SLIT3: variants seen among roughly 807,000 people sequenced by gnomAD.
SLIT3 encodes the protein slit homolog 3 protein.
A neutral mutation model predicts 184.0 loss-of-function variants in SLIT3; 68 were observed. The ratio of observed to expected loss-of-function variants is 0.37; its 90% confidence interval spans 0.30 to 0.45. SLIT3 has a LOEUF of 0.45. SLIT3 is among the 20% of genes least tolerant of loss of function. The pLI, the probability that SLIT3 is intolerant of heterozygous loss-of-function variation, is 1.00. For missense variants in SLIT3, 1,707 were observed against 2,026.0 expected (o/e 0.84, Z 3.02); for synonymous variants, 831 against 828.6 (o/e 1.00, Z -0.05).
intron 6 of SLIT3, among the ~76,000 whole-genome samples, chr5:168,825,716 C>T (rs1408875609): frequency 1.3e-5 from 2 of 152,182 alleles, no homozygotes; most frequent in East Asian, 3.9e-4. Context: ...CTCTGTCCAT[C>T]CAGAAAGCTT....
Position 169,176,880 on chromosome 5 carries a change from C to T in SLIT3, c.413+16599G>A, listed in dbSNP as rs561749320. The stretch of plus-strand genomic sequence containing the variant: ...GAAGAAAACTAGAGGGCCAACCTCC[C>T]TCTTTCTGCCAGCACCCTCTTAGAA... On this transcript the variant is annotated intron_variant, in intron 4 of 35. Transcript: ENST00000519560. Among the ~76,000 whole-genome samples the T allele has an allele frequency of 2.6e-4, 40 of 152,334 alleles. 2 individuals are homozygous for T. The South Asian group carries it at 7.9e-3, about 30-fold the overall frequency.
intron 1 of SLIT3, among the ~76,000 whole-genome samples, chr5:169,269,135 T>G (rs1449307133): frequency 6.6e-6 from 1 of 152,210 alleles, no homozygotes; most frequent in Admixed American, 6.5e-5. Context: ...CCAGCTTGTC[T>G]CCTTTATTAG....
intron 20 of SLIT3, among the ~76,000 whole-genome samples, chr5:168,727,674 C>A (rs927338567): frequency 6.6e-6 from 1 of 152,226 alleles, no homozygotes; most frequent in Non-Finnish European, 1.5e-5. Context: ...CCTCTGCCCT[C>A]CCTGCATGAA....
intron 2 of SLIT3, among the ~76,000 whole-genome samples, chr5:169,248,267 C>T (rs916048249): frequency 2.6e-5 from 4 of 152,124 alleles, no homozygotes; most frequent in East Asian, 1.9e-4. Context: ...GTCTTTACTT[C>T]GCTCTCCTCA....
intron 4 of SLIT3, among the ~76,000 whole-genome samples, chr5:168,959,175 T>C (rs1246186869): frequency 6.6e-6 from 1 of 152,236 alleles, no homozygotes; most frequent in African/African-American, 2.4e-5. Context: ...AAATACCACA[T>C]ATCTGAGAAC....
chr5:168,671,550 A>T, intron 33 of SLIT3, 67 bp from the exon 34 acceptor site: 9 of 1,509,790 alleles, frequency 6.0e-6, no homozygotes, highest in Non-Finnish European at 8.1e-6. Context: ...CCTCAGAGCG[A>T]AAAAGCACTT....
chr5:168,766,137 A>G (rs1218697371), intron 14 of SLIT3, among the ~76,000 whole-genome samples: 4 of 152,188 alleles, frequency 2.6e-5, no homozygotes, highest in Admixed American at 2.0e-4. Flanking sequence ...CATCAACGGT[A>G]TGCATTTTGT....
chr5:169,078,135 T>C (rs1172712137), intron 4 of SLIT3, among the ~76,000 whole-genome samples: 1 of 152,178 alleles, frequency 6.6e-6, no homozygotes, highest in Non-Finnish European at 1.5e-5. Flanking sequence ...TACCCACTCC[T>C]GACCTCAACC....
intron 7 of SLIT3, among the ~76,000 whole-genome samples, chr5:168,819,366 A>T (rs1166790312): frequency 1.3e-5 from 2 of 152,256 alleles, no homozygotes; most frequent in Admixed American, 1.3e-4. Flanking sequence ...TGCCCAAGGA[A>T]CACGGCAACA....
chr5:168,807,810 T>C (rs1757023623), intron 8 of SLIT3, among the ~76,000 whole-genome samples: 1 of 152,180 alleles, frequency 6.6e-6, no homozygotes, highest in African/African-American at 2.4e-5. Flanking sequence ...AGAGTGGGTC[T>C]AGCTACAGGG....
At chr5:168,932,382 ACACACACACTACACACACC>A (rs1230344251) in intron 4 of SLIT3, among the ~76,000 whole-genome samples, 13 of 146,008 alleles carry the variant, frequency 8.9e-5, no homozygotes, top group Non-Finnish European at 1.4e-4. Context: ...ACACACACAC[ACACACACACTACACACACC>A]CTACACACAC....
At chr5:168,903,552 T>C (rs988018010) in intron 4 of SLIT3, among the ~76,000 whole-genome samples, 1 of 152,196 alleles carries the variant, frequency 6.6e-6, no homozygotes, top group Non-Finnish European at 1.5e-5. Context: ...CTCTTTGTTC[T>C]ACCTGCTCGG....
At chr5:169,060,117 C>T (rs1758130300) in intron 4 of SLIT3, among the ~76,000 whole-genome samples, 1 of 152,234 alleles carries the variant, frequency 6.6e-6, no homozygotes, top group Admixed American at 6.5e-5. Flanking sequence ...AGGCCACGCG[C>T]AGCGGCTCAT....
intron 4 of SLIT3, among the ~76,000 whole-genome samples, chr5:169,111,721 C>T (rs953210742): frequency 6.6e-6 from 1 of 152,218 alleles, no homozygotes; most frequent in African/African-American, 2.4e-5. Flanking sequence ...CATTGCATTT[C>T]AGCCTGGACA....
intron 6 of SLIT3, among the ~76,000 whole-genome samples, chr5:168,838,642 C>A (rs1758136557): frequency 6.6e-6 from 1 of 152,168 alleles, no homozygotes; most frequent in Admixed American, 6.5e-5. Context: ...AATATCCTAA[C>A]ACCCTGTACC....
intron 4 of SLIT3, among the ~76,000 whole-genome samples, chr5:169,096,894 T>A (rs944955863): frequency 2.6e-4 from 39 of 152,336 alleles, no homozygotes; most frequent in Non-Finnish European, 5.9e-5. Context: ...CAAGCCTGCA[T>A]TTTTAACCAC....
intron 4 of SLIT3, among the ~76,000 whole-genome samples, chr5:169,107,684 C>A (rs745884775): frequency 4.6e-5 from 7 of 152,194 alleles, no homozygotes; most frequent in Non-Finnish European, 7.3e-5. Context: ...TTGTTTGGGT[C>A]TGGCTGCCCG....
At chr5:168,672,010 G>A (rs1373282602) in intron 33 of SLIT3, among the ~76,000 whole-genome samples, 2 of 152,190 alleles carry the variant, frequency 1.3e-5, no homozygotes, top group African/African-American at 2.4e-5. Flanking sequence ...TGCCTTATGT[G>A]CGGTGTACCC....
At chr5:168,813,947 G>C (rs1757245924) in intron 8 of SLIT3, among the ~76,000 whole-genome samples, 1 of 152,208 alleles carries the variant, frequency 6.6e-6, no homozygotes, top group African/African-American at 2.4e-5. Context: ...CCCAGGGATG[G>C]CTTAATTGCT....
Sources: allele counts gnomAD v4.1 joint callset (sites outside exome capture counted in the v4.1 genomes callset), GRCh38; gene constraint gnomAD v4.1.1; transcripts MANE v1.5; gene names NCBI Gene and HGNC (gene_info 2026-07-23, HGNC 2026-07-21).